Variants in AGO2 observed in about 807,000 individuals in gnomAD.
AGO2 encodes protein argonaute-2.
In AGO2, 5 loss-of-function variants were observed where a neutral mutation model predicts 102.3. The ratio of observed to expected loss-of-function variants is 0.05; its 90% CI spans 0.03 to 0.10. The LOEUF (loss-of-function observed/expected upper bound fraction) is 0.10. Ranked by LOEUF, AGO2 falls within the 10% of genes least tolerant of loss-of-function variation. The pLI is 1.00. For synonymous variants in AGO2, 449 were observed against 473.1 expected (o/e 0.95, Z 0.66); for missense variants, 541 against 1,183.7 (o/e 0.46, Z 7.97).
chr8:140,567,064 A>G lies in AGO2; in HGVS notation c.337-4430T>C. On this transcript the variant is annotated intron_variant, in intron 3 of 18. Coordinates refer to ENST00000220592, the MANE Select transcript of AGO2 (RefSeq NM_012154.5). The surrounding 1 kb of genome is among the most constrained non-coding windows in gnomAD (Gnocchi z 5.0). ...CCTGGCACGGATCGGATGCCTGTCAATGCCACCTTTCAAAAACCTCTGTAG... is the reference window on the plus strand; with the variant it reads ...CCTGGCACGGATCGGATGCCTGTCAGTGCCACCTTTCAAAAACCTCTGTAG... Among the ~76,000 whole-genome samples, 1 of 152,250 alleles carries G rather than the reference A, an allele frequency of 6.6e-6. No individual in the cohort carries two copies. The highest frequency in any genetic ancestry group is 1.9e-4 in the East Asian group (1 of 5,196).
Position 140,557,358 on chromosome 8 carries a change from G to A in AGO2, c.879-122C>T, listed in dbSNP as rs918518888. 9.7e-6 allele frequency: 12 copies of A among 1,233,336 alleles called. No individual in the cohort carries two copies. Among genetic ancestry groups the A allele is most frequent in the Admixed American group, 2.8e-5 (1 of 35,702 alleles). 76.4% of individuals were successfully genotyped at this position (1,233,336 alleles called of 1,614,324 possible). On this transcript the variant is annotated intron_variant, in intron 7 of 18. Coordinates refer to ENST00000220592, the MANE Select transcript of AGO2 (RefSeq NM_012154.5). The surrounding 1 kb of genome is among the most constrained non-coding windows in gnomAD (Gnocchi z 5.9). The stretch of plus-strand genomic sequence containing the variant: ...GGAGCAAACATTCAGAGCACTTCCG[G>A]GAGTGAAAACCATGTCATGTGCTTT...
At chr8:140,558,815 C>G (rs1360845621) in intron 6 of AGO2, among the ~76,000 whole-genome samples, 1 of 152,200 alleles carries the variant, frequency 6.6e-6, no homozygotes, top group African/African-American at 2.4e-5. Context: ...TGTCCACCCT[C>G]GTGCTGTTCT....
intron 10 of AGO2, 95 bp from the exon 11 acceptor site, chr8:140,551,531 A>T: frequency 1.5e-6 from 2 of 1,329,730 alleles, no homozygotes; most frequent in Admixed American, 5.6e-5. Flanking sequence ...CCCCCTGACC[A>T]ACAACTGCTT....
At chr8:140,588,080 C>T (rs1238187115) in intron 1 of AGO2, among the ~76,000 whole-genome samples, 8 of 152,194 alleles carry the variant, frequency 5.3e-5, no homozygotes, top group East Asian at 1.9e-4. Flanking sequence ...TCTCCGTGGA[C>T]GCTCTCTCCA....
At chr8:140,572,775 G>GT in intron 3 of AGO2, 37 bp downstream of exon 3, 1 of 1,599,306 alleles carries the variant, frequency 6.3e-7, no homozygotes, top group East Asian at 2.2e-5. Context: ...TTACTTCACC[G>GT]TATGTTACTC....
Position 140,562,611 on chromosome 8 carries a change from T to C in AGO2, c.360A>G (p.Pro120=). ...RDKVELEVTL[P]GEGKDRIFKV... ...TGAAGATGCGATCCTTGCCTTCTCCTGGCAGCGTGACCTCCAGCTCCACCT... is the reference window on the plus strand; with the variant it reads ...TGAAGATGCGATCCTTGCCTTCTCCCGGCAGCGTGACCTCCAGCTCCACCT... The change falls in exon 4 of 19, where the codon CCA becomes CCG. Residue 120 remains proline (P), a synonymous_variant. Coordinates refer to ENST00000220592, the MANE Select transcript of AGO2 (RefSeq NM_012154.5). 6.2e-7 allele frequency: 1 copy of C among 1,613,838 alleles called. No individual in the cohort carries two copies. The highest frequency in any genetic ancestry group is 8.5e-7 in the Non-Finnish European group (1 of 1,179,944).
At chr8:140,577,816 T>C (rs13274041) in intron 2 of AGO2, among the ~76,000 whole-genome samples, 47,683 of 152,040 alleles carry the variant, frequency 0.31, 7,784 homozygotes, top group African/African-American at 0.35. Context: ...TGGATGAACA[T>C]TCACTGTTCC....
intron 16 of AGO2, among the ~76,000 whole-genome samples, chr8:140,537,530 G>C (rs1446855602): frequency 6.6e-6 from 1 of 152,038 alleles, no homozygotes; most frequent in Admixed American, 6.5e-5. Context: ...TTGAACTCTT[G>C]GACTAATACG....
intron 2 of AGO2, among the ~76,000 whole-genome samples, chr8:140,573,820 T>C (rs146046898): frequency 1.2e-3 from 177 of 152,332 alleles, no homozygotes; most frequent in Middle Eastern, 3.4e-3. Context: ...CTGTGGGCCT[T>C]GCTGTGGCCA....
intron 1 of AGO2, among the ~76,000 whole-genome samples, chr8:140,587,665 G>A (rs1406020174): frequency 6.6e-6 from 1 of 152,248 alleles, no homozygotes; most frequent in Non-Finnish European, 1.5e-5. Flanking sequence ...GTGAGCCCCT[G>A]GCCCCGACAG....
In AGO2 at chr8:140,531,040, T is replaced by C. The variant is rs2072586793; in HGVS notation, c.*1004A>G. 1 of 152,200 alleles carries C rather than the reference T, an allele frequency of 6.6e-6. No individual in the cohort carries two copies. The highest frequency in any genetic ancestry group is 6.5e-5 in the Admixed American group (1 of 15,270). 9.4% of individuals were successfully genotyped at this position (152,200 alleles called of 1,614,324 possible). The stretch of plus-strand genomic sequence containing the variant: ...TAAGTCAATTGCATATTCCTGTCCT[T>C]AAGCACTAAGAACTGAGAGGCGGTC... On this transcript the variant is annotated 3_prime_UTR_variant, in exon 19 of 19. Coordinates refer to ENST00000220592, the MANE Select transcript of AGO2 (RefSeq NM_012154.5).
chr8:140,619,577 A>T (rs1226029752), intron 1 of AGO2, among the ~76,000 whole-genome samples: 1 of 152,206 alleles, frequency 6.6e-6, no homozygotes, highest in African/African-American at 2.4e-5. Context: ...CGCAGAGCAC[A>T]GAAGAGGAGG....
At chr8:140,615,419 G>A (rs1328338049) in intron 1 of AGO2, among the ~76,000 whole-genome samples, 9 of 152,348 alleles carry the variant, frequency 5.9e-5, no homozygotes, top group Admixed American at 3.3e-4. Context: ...GGGCCCCCAG[G>A]CGGCCCTTCT....
In AGO2 at chr8:140,540,006, C is replaced by T. The variant is rs1186208798; in HGVS notation, c.2035-552G>A. On this transcript the variant is annotated intron_variant, in intron 15 of 18. Coordinates refer to ENST00000220592, the MANE Select transcript of AGO2 (RefSeq NM_012154.5). The surrounding 1 kb of genome is among the most constrained non-coding windows in gnomAD (Gnocchi z 5.0). Reference sequence around the variant, plus strand: ...TCCGGAGGCAGAGGCAGGAGAACTGCTTGAACCCGGGAGGTGGAGGTTGCA... The same window carrying T: ...TCCGGAGGCAGAGGCAGGAGAACTGTTTGAACCCGGGAGGTGGAGGTTGCA... Among the ~76,000 whole-genome samples the T allele has an allele frequency of 6.6e-6, 1 of 152,168 alleles. No homozygotes were observed. The highest frequency in any genetic ancestry group is 6.5e-5 in the Admixed American group (1 of 15,280).
intron 1 of AGO2, among the ~76,000 whole-genome samples, chr8:140,618,366 A>T (rs2152105593): frequency 6.6e-6 from 1 of 151,574 alleles, no homozygotes; most frequent in Non-Finnish European, 1.5e-5. Flanking sequence ...GCTCACACGT[A>T]TAATCTCAGC....
chr8:140,617,413 A>G (rs1247573581), intron 1 of AGO2, among the ~76,000 whole-genome samples: 3 of 151,950 alleles, frequency 2.0e-5, no homozygotes, highest in African/African-American at 7.3e-5. Context: ...CACCATGCCC[A>G]GCTATTTTTT....
chr8:140,531,866 C>CA lies in AGO2; in HGVS notation c.*177dup. 1 of 605,244 alleles carries CA rather than the reference C, an allele frequency of 1.7e-6. No individual in the cohort carries two copies. The highest frequency in any genetic ancestry group is 1.9e-5 in the South Asian group (1 of 51,400). 37.5% of individuals were successfully genotyped at this position (605,244 alleles called of 1,614,324 possible). A position where few individuals can be genotyped will look rare whatever the true frequency, so the allele number is the denominator to read the frequency against. ...TGGGTTCTCATACAGGTCTGCAGTT[C>CA]AAAATCCAAGTTTGAAATCTGGGAC... On this transcript the variant is annotated 3_prime_UTR_variant, in exon 19 of 19. Coordinates refer to ENST00000220592, the MANE Select transcript of AGO2 (RefSeq NM_012154.5).
At chr8:140,601,342 A>C (rs1322491211) in intron 1 of AGO2, among the ~76,000 whole-genome samples, 2 of 152,124 alleles carry the variant, frequency 1.3e-5, no homozygotes, top group African/African-American at 4.8e-5. Flanking sequence ...AAAACGGTGC[A>C]TGCCCCCAGC....
chr8:140,610,073 T>C (rs1466912341), intron 1 of AGO2, among the ~76,000 whole-genome samples: 1 of 145,652 alleles, frequency 6.9e-6, no homozygotes, highest in Non-Finnish European at 1.5e-5. Flanking sequence ...GGTATGGTGG[T>C]GCACACCCGT....
Sources: allele counts gnomAD v4.1 joint callset (sites outside exome capture counted in the v4.1 genomes callset), GRCh38; gene constraint gnomAD v4.1.1; non-coding constraint Gnocchi (gnomAD v3.1); transcripts MANE v1.5; gene names NCBI Gene and HGNC (gene_info 2026-07-23, HGNC 2026-07-21).